The following KCTD21 variants were observed in gnomAD, a reference collection of about 807,000 sequenced individuals.
The protein encoded by KCTD21 is BTB/POZ domain-containing protein KCTD21.
Under a neutral mutation model 13.2 loss-of-function variants are expected in KCTD21, and 9 were observed. The observed-to-expected ratio is 0.68, with a 90% CI of 0.41 to 1.19. The LOEUF is 1.19. Ranked by LOEUF, KCTD21 falls within the 50% of genes most tolerant of loss-of-function variation. The pLI, the probability that KCTD21 is intolerant of heterozygous loss-of-function variation, is 0.01. For missense variants in KCTD21, 303 were observed against 336.5 expected, an observed-to-expected ratio of 0.90 and a Z score of 0.78; for synonymous variants, 142 against 137.4, an observed-to-expected ratio of 1.03 and a Z score of -0.23.
At position 78,173,785 on chromosome 11, in the gene KCTD21, A is replaced by G; in HGVS notation, c.770T>C (p.Ile257Thr). Residue 257 changes from isoleucine to threonine, a missense_variant, in exon 2 of 2, where the codon ATA becomes ACA. Coordinates refer to ENST00000340067, the MANE Select transcript of KCTD21 (RefSeq NM_001029859.3). ...DFMNNKIIRL[I>T]RYR The stretch of plus-strand genomic sequence containing the variant: ...GTTGGGGTCCTTTTACCTGTACCGT[A>G]TTAATCGAATAATCTTATTGTTCAT... 6.2e-7 allele frequency: 1 copy of G among 1,612,858 alleles called. No individual in the cohort carries two copies. Among genetic ancestry groups the G allele is most frequent in the Non-Finnish European group, 8.5e-7 (1 of 1,179,064 alleles).
chr11:78,188,173 T>C, intron 1 of KCTD21: 2 of 985,352 alleles, frequency 2.0e-6, no homozygotes, highest in Non-Finnish European at 2.4e-6. Flanking sequence ...TCACCCAGGC[T>C]GGCCTCATCG....
intron 1 of KCTD21, 176 bp downstream of exon 1, chr11:78,188,397 A>G (rs1862879906): frequency 1.0e-6 from 1 of 984,600 alleles, no homozygotes; most frequent in Non-Finnish European, 1.2e-6. Context: ...ACTTCGGCTC[A>G]CCTCGCTCCG....
Position 78,172,118 on chromosome 11 carries a change from TG to T in KCTD21, c.*1653del. On this transcript the variant is annotated 3_prime_UTR_variant, in exon 2 of 2. Transcript: ENST00000340067. ...ACCCCTGCCCAGTGGGGGAGGACCC[TG>T]GGGACTCTCAAGGCCAAACTCACTT... 6.6e-6 allele frequency: 1 copy of T among 152,334 alleles called. No individual in the cohort carries two copies. Among genetic ancestry groups the T allele is most frequent in the African/African-American group, 2.4e-5 (1 of 41,578 alleles). 9.4% of individuals were successfully genotyped at this position (152,334 alleles called of 1,614,324 possible).
rs531753518 is a variant in KCTD21 at position 78,174,684 on chromosome 11, C to T, written c.-29-101G>A. ...TACATCAAGCCTATGCCCTTGGGAT[C>T]GAAATGAATTAATACCTGATGAATG... On this transcript the variant is annotated intron_variant, in intron 1 of 1. Coordinates refer to ENST00000340067, the MANE Select transcript of KCTD21 (RefSeq NM_001029859.3). The T allele has an allele frequency of 3.2e-4, 252 of 781,242 alleles. 1 individual carries two copies. The African/African-American group carries it at 3.8e-3, about 12-fold the overall frequency. 48.4% of individuals were successfully genotyped at this position (781,242 alleles called of 1,614,324 possible).
At chr11:78,175,980 G>A (rs879525321) in intron 1 of KCTD21, among the ~76,000 whole-genome samples, 45 of 152,096 alleles carry the variant, frequency 3.0e-4, no homozygotes, top group Non-Finnish European at 5.6e-4. Flanking sequence ...GAGAACATGC[G>A]GTGTTTGGTT....
chr11:78,176,081 C>A (rs541387649), intron 1 of KCTD21, among the ~76,000 whole-genome samples: 42 of 152,256 alleles, frequency 2.8e-4, no homozygotes, highest in African/African-American at 9.9e-4. Flanking sequence ...TTTTTTATGG[C>A]TGCATAGTAT....
rs1366640335 is a variant in KCTD21, at chr11:78,174,085, T to C, written c.470A>G (p.Lys157Arg). ...GTAGAAGAGCTTAGAGCCAAGGAGCTTGAGGAAGAGGCAGGAGGTGCTGAA... is the reference window on the plus strand; with the variant it reads ...GTAGAAGAGCTTAGAGCCAAGGAGCCTGAGGAAGAGGCAGGAGGTGCTGAA... ...NIFSTSCLFL[K>R]LLGSKLFYCS... Residue 157 changes from lysine to arginine, a missense_variant, in exon 2 of 2, where the codon AAG becomes AGG. Coordinates refer to ENST00000340067, the MANE Select transcript of KCTD21 (RefSeq NM_001029859.3). 1.9e-6 allele frequency: 3 copies of C among 1,614,084 alleles called. No individual in the cohort carries two copies. The East Asian group carries it at 6.7e-5, about 36-fold the overall frequency.
intron 1 of KCTD21, chr11:78,187,568 C>T (rs1862823689): frequency 1.0e-6 from 1 of 985,432 alleles, no homozygotes; most frequent in Non-Finnish European, 1.2e-6. Context: ...TTCACCTTCT[C>T]GGCTCACTCT....
At chr11:78,186,644 A>C in intron 1 of KCTD21, 1 of 954,650 alleles carries the variant, frequency 1.0e-6, no homozygotes, top group South Asian at 4.8e-5. Flanking sequence ...AATCTCTTTC[A>C]ATCTCACAGA....
intron 1 of KCTD21, chr11:78,176,825 C>G (rs1179575879): frequency 9.7e-6 from 1 of 102,914 alleles, no homozygotes; most frequent in Non-Finnish European, 2.1e-5. Context: ...GAAATCCTGT[C>G]TCTACAACAA....
intron 1 of KCTD21, chr11:78,188,365 C>T (rs1214793836): frequency 3.0e-6 from 3 of 985,288 alleles, no homozygotes; most frequent in Non-Finnish European, 3.6e-6. Context: ...CCAACAGCCC[C>T]GCCCCTCTAA....
At chr11:78,176,008 T>A (rs1862442452) in intron 1 of KCTD21, among the ~76,000 whole-genome samples, 1 of 152,136 alleles carries the variant, frequency 6.6e-6, no homozygotes. Flanking sequence ...CTTGCAGTAG[T>A]CTTTACTGAG....
At position 78,174,336 on chromosome 11, in the gene KCTD21, G is replaced by T. The variant is rs762810304; in HGVS notation, c.219C>A (p.Asp73Glu). The T allele has an allele frequency of 6.8e-6, 11 of 1,613,996 alleles. No individual in the cohort carries two copies. In the East Asian group the frequency reaches 2.5e-4, roughly 36 times the overall value. ...LRTSHLDLPE[D>E]FQEMGLLRRE... The stretch of plus-strand genomic sequence containing the variant: ...TGCGGAGCAGCCCCATCTCCTGGAA[G>T]TCCTCAGGCAGGTCAAGGTGGGAGG... The change falls in exon 2 of 2, where the codon GAC becomes GAA. Residue 73 changes from aspartate (D) to glutamate (E), a missense_variant. By Grantham distance (45) the Asp-to-Glu change is conservative. Coordinates refer to ENST00000340067, the MANE Select transcript of KCTD21 (RefSeq NM_001029859.3).
rs780230673 is a variant in KCTD21, at chr11:78,174,593, G to A, written c.-29-10C>T. ...GTTGCTGGAAGTAGTCCTGGAGAGG[G>A]TGAGAAGTGAGAAATGACTATAACC... On this transcript the variant is annotated splice_polypyrimidine_tract_variant and intron_variant, in intron 1 of 1. Transcript: ENST00000340067. 1.9e-6 allele frequency: 3 copies of A among 1,553,854 alleles called. No homozygotes were observed. Among genetic ancestry groups the A allele is most frequent in the African/African-American group, 2.8e-5 (2 of 72,610 alleles).
chr11:78,180,863 A>G (rs1275371296), intron 1 of KCTD21, among the ~76,000 whole-genome samples: 2 of 151,388 alleles, frequency 1.3e-5, no homozygotes, highest in African/African-American at 4.9e-5. Context: ...AGATGATTGA[A>G]TCATTGGGGC....
chr11:78,177,749 G>A (rs1362626896), intron 1 of KCTD21: 2 of 152,338 alleles, frequency 1.3e-5, no homozygotes, highest in African/African-American at 4.8e-5. Flanking sequence ...CTTCACGGCA[G>A]GAAAAGAAGC....
At chr11:78,182,511 G>A (rs1368451609) in intron 1 of KCTD21, among the ~76,000 whole-genome samples, 1 of 152,166 alleles carries the variant, frequency 6.6e-6, no homozygotes, top group Admixed American at 6.5e-5. Context: ...AAAACAATGA[G>A]AAGAGAAGGA....
In KCTD21 at chr11:78,171,762, C is replaced by T. The variant is rs550595488; in HGVS notation, c.*2010G>A. 6.6e-6 allele frequency: 1 copy of T among 152,356 alleles called. No homozygotes were observed. Among genetic ancestry groups the T allele is most frequent in the East Asian group, 1.9e-4 (1 of 5,184 alleles). 9.4% of individuals were successfully genotyped at this position (152,356 alleles called of 1,614,324 possible). On this transcript the variant is annotated 3_prime_UTR_variant, in exon 2 of 2. Transcript: ENST00000340067. ...CTGGGGTTATAGGCGCCTGTCACCA[C>T]ACCCAGCTAATTTTTGTATTTTTAG...
intron 1 of KCTD21, among the ~76,000 whole-genome samples, chr11:78,181,789 A>T (rs564517716): frequency 6.6e-6 from 1 of 152,264 alleles, no homozygotes; most frequent in South Asian, 2.1e-4. Context: ...TCAATTAAAA[A>T]AAAAGTGTAA....
Sources: allele counts gnomAD v4.1 joint callset (sites outside exome capture counted in the v4.1 genomes callset), GRCh38; gene constraint gnomAD v4.1.1; transcripts MANE v1.5; gene names NCBI Gene and HGNC (gene_info 2026-07-23, HGNC 2026-07-21).